The following ATR variants were observed in gnomAD, a reference collection of about 807,000 sequenced individuals.
The protein encoded by ATR is ATR checkpoint kinase.
In ATR, 142 loss-of-function variants were observed where a neutral mutation model predicts 305.3. The ratio of observed to expected loss-of-function variants is 0.47; its 90% confidence interval spans 0.41 to 0.53. The LOEUF is 0.53. Ranked by LOEUF, ATR falls within the 20% of genes least tolerant of loss-of-function variation. ATR has a pLI of 0.00. For synonymous variants in ATR, 1,050 were observed against 1,068.1 expected (o/e 0.98, Z 0.33); for missense variants, 2,135 against 3,133.1 (o/e 0.68, Z 7.60).
intron 10 of ATR, among the ~76,000 whole-genome samples, chr3:142,554,227 C>CT (rs887155754): frequency 5.6e-4 from 83 of 147,554 alleles, no homozygotes; most frequent in Admixed American, 1.3e-3. Context: ...ATAAATGTCA[C>CT]TTTTTTTTTT....
At chr3:142,498,365 AT>A (rs1262098152) in intron 32 of ATR, among the ~76,000 whole-genome samples, 1 of 152,226 alleles carries the variant, frequency 6.6e-6, no homozygotes, top group Non-Finnish European at 1.5e-5. Context: ...GAGGACAAAC[AT>A]AAGATATTTT....
At position 142,536,205 on chromosome 3, in the gene ATR, ATAGT is replaced by A. The variant is rs778810292; in HGVS notation, c.3726-8_3726-5del. The A allele has an allele frequency of 1.7e-5, 27 of 1,543,040 alleles. No homozygotes were observed. The highest frequency in any genetic ancestry group is 8.2e-5 in the African/African-American group (6 of 73,240). The stretch of plus-strand genomic sequence containing the variant: ...AAGAAAATCTTGCACAGCATCCCTA[ATAGT>A]TAGTTGGAATAAAAAGAATTATTTG... On this transcript the variant is annotated splice_polypyrimidine_tract_variant and splice_region_variant and intron_variant, in intron 19 of 46. Coordinates refer to ENST00000350721, the MANE Select transcript of ATR (RefSeq NM_001184.4).
At chr3:142,464,928 AT>A (rs2071093290) in intron 41 of ATR, among the ~76,000 whole-genome samples, 168 bp downstream of exon 41, 1 of 152,164 alleles carries the variant, frequency 6.6e-6, no homozygotes, top group African/African-American at 2.4e-5. Context: ...AAGACTTTAT[AT>A]TTCATTCCTG....
chr3:142,549,734 A>G, intron 14 of ATR, 61 bp from the exon 15 acceptor site: 1 of 1,494,786 alleles, frequency 6.7e-7, no homozygotes, highest in Non-Finnish European at 9.3e-7. Flanking sequence ...AAATATTCAC[A>G]TAAGCTATGT....
chr3:142,550,457 T>C (rs1215415426), intron 13 of ATR, among the ~76,000 whole-genome samples, 155 bp from the exon 14 acceptor site: 4 of 152,224 alleles, frequency 2.6e-5, no homozygotes, highest in Admixed American at 2.6e-4. Flanking sequence ...AGGTAGACTA[T>C]GTCATAATCT....
intron 32 of ATR, among the ~76,000 whole-genome samples, chr3:142,497,573 TAATA>T (rs35792072): frequency 1.4e-3 from 215 of 149,038 alleles, no homozygotes; most frequent in Middle Eastern, 6.9e-3. Flanking sequence ...TCCCTTAAAA[TAATA>T]AATAAATAAA....
intron 12 of ATR, 21 bp from the exon 13 acceptor site, chr3:142,553,419 C>T (rs1185512867): frequency 2.5e-6 from 4 of 1,595,638 alleles, no homozygotes; most frequent in Admixed American, 3.4e-5. Flanking sequence ...AAACAACATA[C>T]ATATGAATAC....
intron 39 of ATR, 62 bp from the exon 40 acceptor site, chr3:142,466,595 T>C (rs2071137237): frequency 6.8e-7 from 1 of 1,462,288 alleles, no homozygotes; most frequent in African/African-American, 1.4e-5. Context: ...TAACAAAAAT[T>C]TCACTTTTAC....
chr3:142,567,783 G>A (rs2035123122), intron 2 of ATR, among the ~76,000 whole-genome samples: 1 of 151,996 alleles, frequency 6.6e-6, no homozygotes, highest in African/African-American at 2.4e-5. Flanking sequence ...GATTGGTACT[G>A]GACAAATATT....
rs2034561755 is a variant in ATR at position 142,553,707 on chromosome 3, G to A, written c.2566C>T (p.His856Tyr). The A allele has an allele frequency of 6.2e-7, 1 of 1,612,888 alleles. No individual in the cohort carries two copies. Among genetic ancestry groups the A allele is most frequent in the Non-Finnish European group, 8.5e-7 (1 of 1,179,068 alleles). Residue 856 changes from histidine to tyrosine, a missense_variant, in exon 12 of 47, where the codon CAT becomes TAT. By Grantham distance (83) the His-to-Tyr change is moderately conservative. This residue lies in a region of ATR where 530 missense variants were observed against 766.8 expected (regional missense o/e 0.69). Coordinates refer to ENST00000350721, the MANE Select transcript of ATR (RefSeq NM_001184.4). ...TCATTATTTCTTGATATTTGGGCAT[G>A]TGTATATGCTTCCTTCATTCTTAAG... Reference protein sequence around the residue: ...FVLRMKEAYTHAQISRNNELK... With the variant: ...FVLRMKEAYTYAQISRNNELK...
intron 10 of ATR, among the ~76,000 whole-genome samples, 191 bp from the exon 11 acceptor site, chr3:142,554,206 C>T (rs2034580443): frequency 6.6e-6 from 1 of 151,946 alleles, no homozygotes. Context: ...ATTAAAATTA[C>T]TTTATATTTA....
intron 36 of ATR, among the ~76,000 whole-genome samples, chr3:142,483,688 TTA>T (rs1324136566): frequency 2.0e-5 from 3 of 151,764 alleles, no homozygotes; most frequent in African/African-American, 7.3e-5. Context: ...AATACAAAAA[TTA>T]ACTGGGTGTG....
chr3:142,451,660 G>C, intron 46 of ATR: 28 of 1,212,144 alleles, frequency 2.3e-5, no homozygotes, highest in Non-Finnish European at 2.9e-5. Flanking sequence ...GCTCACAGCA[G>C]CCTCCAACTC....
intron 36 of ATR, among the ~76,000 whole-genome samples, chr3:142,475,993 A>G (rs2108291355): frequency 6.6e-6 from 1 of 152,306 alleles, no homozygotes; most frequent in East Asian, 1.9e-4. Flanking sequence ...TCTGGATATT[A>G]GCCCTTCGTC....
chr3:142,523,047 G>A (rs1460355980), intron 22 of ATR, among the ~76,000 whole-genome samples: 1 of 152,090 alleles, frequency 6.6e-6, no homozygotes, highest in African/African-American at 2.4e-5. Flanking sequence ...AGCTTTTTAG[G>A]CTATTTCTAA....
At chr3:142,461,914 A>G (rs373402071) in intron 42 of ATR, 26 bp downstream of exon 42, 2 of 1,603,036 alleles carry the variant, frequency 1.2e-6, no homozygotes, top group Non-Finnish European at 1.7e-6. Context: ...CCCACACTGT[A>G]TATGTATAAG....
chr3:142,543,821 C>T (rs565360385), intron 16 of ATR, among the ~76,000 whole-genome samples: 3 of 152,094 alleles, frequency 2.0e-5, no homozygotes, highest in Admixed American at 2.0e-4. Context: ...AGGCACGCAC[C>T]ACCTCGCCCA....
At chr3:142,503,050 C>T (rs527544197) in intron 30 of ATR, among the ~76,000 whole-genome samples, 1 of 152,286 alleles carries the variant, frequency 6.6e-6, no homozygotes, top group South Asian at 2.1e-4. Context: ...GGTACTGATA[C>T]TGTAAGCAGA....
At position 142,542,702 on chromosome 3, in the gene ATR, A is replaced by T; in HGVS notation, c.3413T>A (p.Leu1138Ter). ...TTCAATGCCAACACTAGAGCTCAGT[A>T]ACTGCATGTTAAAAAAAGCCAAAAT... ...LGILAFFNMQ[L>*]LSSSVGIEDK... The change falls in exon 17 of 47, where the codon TTA becomes TAA. Residue 1138 changes from leucine (L) to a stop codon, truncating the protein, a stop_gained. Coordinates refer to ENST00000350721, the MANE Select transcript of ATR (RefSeq NM_001184.4). LOFTEE classifies it high-confidence loss of function. The T allele has an allele frequency of 6.2e-7, 1 of 1,613,512 alleles. No individual in the cohort carries two copies. Among genetic ancestry groups the T allele is most frequent in the Non-Finnish European group, 8.5e-7 (1 of 1,179,694 alleles).
Sources: gnomAD v4.1 joint callset for allele counts (sites outside exome capture counted in the v4.1 genomes callset) on GRCh38, gnomAD v4.1.1 for gene constraint, gnomAD v4.1.1 regional missense constraint, MANE v1.5 for transcripts, NCBI Gene and HGNC (gene_info 2026-07-23, HGNC 2026-07-21) for gene names.